The following FRMPD4 variants were observed in gnomAD, a reference collection of about 807,000 sequenced individuals.
FRMPD4 encodes the protein FERM and PDZ domain containing 4.
FRMPD4 carries 22 observed loss-of-function variants against 94.1 expected under a neutral mutation model. The observed-to-expected ratio is 0.23, with a 90% CI of 0.17 to 0.33. FRMPD4 has a LOEUF of 0.33. FRMPD4 is among the 10% of genes least tolerant of loss of function. FRMPD4 has a pLI of 1.00. For missense variants in FRMPD4, 1,111 were observed against 1,339.9 expected (o/e 0.83, Z 2.67); for synonymous variants, 631 against 548.6 (o/e 1.15, Z -2.10).
intron 2 of FRMPD4, among the ~76,000 whole-genome samples, chrX:12,574,014 T>G (rs764228944): frequency 8.9e-6 from 1 of 112,560 alleles, no homozygotes; most frequent in African/African-American, 3.2e-5. Flanking sequence ...TTTTTATTTA[T>G]TTTTTTGAGA....
intron 3 of FRMPD4, among the ~76,000 whole-genome samples, chrX:11,951,089 A>G (rs1315596202): frequency 4.6e-5 from 5 of 109,627 alleles, no homozygotes; most frequent in African/African-American, 1.7e-4. Context: ...AAGGAAAAAA[A>G]CAACAGATGC....
chrX:12,043,421 G>GA (rs1336256323), intron 3 of FRMPD4, among the ~76,000 whole-genome samples: 4 of 110,722 alleles, frequency 3.6e-5, no homozygotes, highest in African/African-American at 6.6e-5. Flanking sequence ...AGAAGCTTCT[G>GA]AAAAAAAACT....
At chrX:12,136,890 AACACACACACAC>A (rs376427153), upstream of FRMPD4, among the ~76,000 whole-genome samples, 4 of 97,575 alleles carry the variant, frequency 4.1e-5, no homozygotes, top group Admixed American at 1.2e-4. Flanking sequence ...TCTACGTTAA[AACACACACACAC>A]ACACACACAC....
intron 1 of FRMPD4, among the ~76,000 whole-genome samples, chrX:12,159,666 AATGTGACAT>A (rs2055991292): frequency 8.9e-6 from 1 of 112,303 alleles, no homozygotes; most frequent in African/African-American, 3.2e-5. Flanking sequence ...GTTCTGATAG[AATGTGACAT>A]ATGCATTCTT....
intron 1 of FRMPD4, among the ~76,000 whole-genome samples, chrX:12,274,134 ATT>A (rs67955270): frequency 2.8e-5 from 3 of 105,450 alleles, no homozygotes; most frequent in South Asian, 4.1e-4. Flanking sequence ...GGCCTCTAGG[ATT>A]TTTTTTTTTT....
intron 1 of FRMPD4, among the ~76,000 whole-genome samples, chrX:12,360,092 G>A (rs2055961205): frequency 8.9e-6 from 1 of 112,160 alleles, no homozygotes; most frequent in African/African-American, 3.2e-5. Context: ...TTTTATGTTT[G>A]TTTCCCTGGT....
In FRMPD4 at chrX:12,716,709, C is replaced by T. The variant is rs373167476; in HGVS notation, c.2250C>T (p.Asp750=). 1.5e-5 allele frequency: 18 copies of T among 1,209,549 alleles called. No homozygotes were observed. Among genetic ancestry groups the T allele is most frequent in the East Asian group, 8.9e-5 (3 of 33,756 alleles). Residue 750 remains aspartate (D), a synonymous_variant, in exon 15 of 17, where the codon GAC becomes GAT. Coordinates refer to ENST00000675598, the MANE Select transcript of FRMPD4 (RefSeq NM_001368397.1). ...CAGAAAACACTGATGACGCGGAGGA[C>T]GAGGACGAGGTGAGCTGCGAGGAGG... ...CYAENTDDAE[D]EDEVSCEEDL... is the part of the protein sequence containing the mutation.
intron 1 of FRMPD4, among the ~76,000 whole-genome samples, chrX:12,205,888 A>G (rs776839784): frequency 8.9e-6 from 1 of 112,479 alleles, no homozygotes; most frequent in Non-Finnish European, 1.9e-5. Flanking sequence ...AGAAGAAGAC[A>G]CTGTCTTGAA....
intron 1 of FRMPD4, among the ~76,000 whole-genome samples, chrX:12,404,175 G>A (rs761057187): frequency 9.0e-6 from 1 of 111,658 alleles, no homozygotes; most frequent in Non-Finnish European, 1.9e-5. Flanking sequence ...AAATATTTTA[G>A]GCTGCACCTT....
rs771767655 is a variant in FRMPD4 at position 12,718,501 on chromosome X, C to T, written c.3675C>T (p.Gly1225=). 1 of 1,203,516 alleles carries T rather than the reference C, an allele frequency of 8.3e-7. No homozygotes were observed. The highest frequency in any genetic ancestry group is 1.1e-6 in the Non-Finnish European group (1 of 887,988). ...CAGTGGATGCAGGCTGTGGCACAGG[C>T]AGCAGTGGCAGTGCCTGTGCCACAC... is the stretch of plus-strand genomic sequence containing the variant. The part of the protein sequence containing the change: ...GSSVDAGCGT[G]SSGSACATPV... Residue 1225 remains glycine (G), a synonymous_variant, in exon 16 of 17, where the codon GGC becomes GGT. Coordinates refer to ENST00000675598, the MANE Select transcript of FRMPD4 (RefSeq NM_001368397.1).
intron 3 of FRMPD4, among the ~76,000 whole-genome samples, chrX:11,898,136 G>A (rs2053914496): frequency 9.0e-6 from 1 of 111,288 alleles, no homozygotes; most frequent in African/African-American, 3.3e-5. Context: ...TGTGTATTGG[G>A]GGTATGGGGG....
intron 3 of FRMPD4, among the ~76,000 whole-genome samples, chrX:11,901,949 T>C (rs2053940333): frequency 1.8e-5 from 2 of 111,858 alleles, no homozygotes; most frequent in African/African-American, 6.5e-5. Context: ...CGTGATGGGA[T>C]TATTTGTTTC....
intron 3 of FRMPD4, among the ~76,000 whole-genome samples, chrX:12,130,102 AAG>A (rs10533802): frequency 0.02 from 1,843 of 92,551 alleles, 46 homozygotes; most frequent in African/African-American, 0.061. Context: ...GAGCCAGCGG[AAG>A]AGAGAGAGAG....
At chrX:11,851,542 C>T (rs2053622116) in intron 1 of FRMPD4, among the ~76,000 whole-genome samples, 1 of 111,336 alleles carries the variant, frequency 9.0e-6, no homozygotes, top group South Asian at 3.8e-4. Flanking sequence ...AATAGTATCC[C>T]ATTTTAATAA....
At chrX:12,546,177 C>CTTTTTTTT (rs11321204) in intron 2 of FRMPD4, among the ~76,000 whole-genome samples, 1 of 91,941 alleles carries the variant, frequency 1.1e-5, no homozygotes, top group African/African-American at 3.8e-5. Flanking sequence ...TGCCAACTGT[C>CTTTTTTTT]TTTTTTTTTT....
rs930624939 is a variant in FRMPD4, at chrX:12,267,014, G to C, written c.41+128002G>C. Among the ~76,000 whole-genome samples the C allele has an allele frequency of 4.5e-5, 5 of 112,097 alleles. No individual in the cohort carries two copies. In the Admixed American group the frequency reaches 4.7e-4, roughly 11 times the overall value. On this transcript the variant is annotated intron_variant, in intron 1 of 16. Coordinates refer to ENST00000675598, the MANE Select transcript of FRMPD4 (RefSeq NM_001368397.1). ...AGAACACTTCCATTAGCCTACAATT[G>C]GTCAAAATCATATCCAAAAATGCTG...
intron 3 of FRMPD4, among the ~76,000 whole-genome samples, chrX:12,613,773 C>G (rs936033781): frequency 9.0e-6 from 1 of 111,626 alleles, no homozygotes; most frequent in Non-Finnish European, 1.9e-5. Context: ...GTCAGGAGAT[C>G]GAAACCATCC....
chrX:12,442,183 ATGGTTGGT>A (rs10541624), intron 1 of FRMPD4, among the ~76,000 whole-genome samples: 1 of 109,400 alleles, frequency 9.1e-6, no homozygotes, highest in African/African-American at 3.3e-5. Flanking sequence ...GATAAAATAT[ATGGTTGGT>A]TATATGTGTG....
intron 3 of FRMPD4, among the ~76,000 whole-genome samples, chrX:11,950,067 A>G (rs6640838): frequency 0.4 from 44,283 of 110,146 alleles, 6,575 homozygotes; most frequent in East Asian, 0.82. Flanking sequence ...GTCAAGGGTA[A>G]GACCAGGTGG....
Sources: gnomAD v4.1 joint callset for allele counts (sites outside exome capture counted in the v4.1 genomes callset) on GRCh38, gnomAD v4.1.1 for gene constraint, MANE v1.5 for transcripts, NCBI Gene and HGNC (gene_info 2026-07-23, HGNC 2026-07-21) for gene names.